Variants in CIROZ observed in about 807,000 individuals in gnomAD.
CIROZ encodes the protein ciliated left-right organizer protein containing ZP-N domains.
chr1:10,947,099 C>A, the CIROZ span, among the ~76,000 whole-genome samples: 2 of 152,226 alleles, frequency 1.3e-5, no homozygotes, highest in Non-Finnish European at 2.9e-5. Flanking sequence ...ACAGCCCCAT[C>A]GGGAGGAATG....
the CIROZ span, chr1:10,948,138 G>A: frequency 6.2e-7 from 1 of 1,613,628 alleles, no homozygotes; most frequent in Non-Finnish European, 8.5e-7. Flanking sequence ...GGTGGAGAAT[G>A]TGGCATCCCT....
the CIROZ span, chr1:10,970,217 G>T: frequency 1.1e-6 from 1 of 892,602 alleles, no homozygotes; most frequent in Non-Finnish European, 1.7e-6. Flanking sequence ...CAATGGAATA[G>T]TCAGGAAAGG....
chr1:10,960,422 A>T, the CIROZ span, among the ~76,000 whole-genome samples: 1 of 152,050 alleles, frequency 6.6e-6, no homozygotes, highest in Non-Finnish European at 1.5e-5. The surrounding 1 kb of genome is among the most constrained non-coding windows in gnomAD (Gnocchi z 4.6). Context: ...AGAAAAAAAA[A>T]GAAAGGAAGG....
the CIROZ span, chr1:10,958,652 C>G: frequency 2.5e-6 from 4 of 1,588,912 alleles, no homozygotes; most frequent in Non-Finnish European, 3.5e-6. Context: ...TCCTGAGCAC[C>G]CACCAGTCCT....
the CIROZ span, chr1:10,966,333 A>C: frequency 4.7e-6 from 7 of 1,499,862 alleles, no homozygotes; most frequent in Admixed American, 1.5e-4. Context: ...TTAAAAAAAA[A>C]AAAAGAAAAG....
the CIROZ span, chr1:10,964,246 C>T: frequency 3.1e-6 from 5 of 1,613,576 alleles, no homozygotes; most frequent in Non-Finnish European, 3.4e-6. Flanking sequence ...CTGAAATATT[C>T]TGATTTCCAG....
chr1:10,971,471 TC>T, the CIROZ span, among the ~76,000 whole-genome samples: 11 of 152,178 alleles, frequency 7.2e-5, no homozygotes, highest in South Asian at 2.1e-3. Flanking sequence ...GCTGGTCTTT[TC>T]TCTACCTCAG....
At chr1:10,976,284 G>C in the CIROZ span, 9 of 1,400,758 alleles carry the variant, frequency 6.4e-6, no homozygotes, top group Non-Finnish European at 7.8e-6. Flanking sequence ...AGGGGGTGGG[G>C]ACATGCACCG....
chr1:10,947,766 TG>T, the CIROZ span: 1 of 1,597,676 alleles, frequency 6.3e-7, no homozygotes, highest in South Asian at 1.1e-5. Context: ...CAGCTCCTGC[TG>T]GAGTGAGGCC....
At chr1:10,964,448 G>GTCTGGC in the CIROZ span, among the ~76,000 whole-genome samples, 8 of 152,196 alleles carry the variant, frequency 5.3e-5, no homozygotes, top group Non-Finnish European at 1.2e-4. Flanking sequence ...CGGAGCTTGG[G>GTCTGGC]TCTGGCTCTG....
chr1:10,966,592 T>C, the CIROZ span: 12 of 1,236,016 alleles, frequency 9.7e-6, no homozygotes, highest in African/African-American at 3.0e-5. Context: ...TGGAAGCTTC[T>C]TACCTGGAAG....
chr1:10,960,838 C>G, the CIROZ span, among the ~76,000 whole-genome samples: 1 of 152,182 alleles, frequency 6.6e-6, no homozygotes, highest in African/African-American at 2.4e-5. This position sits in a 1 kb window ranked among gnomAD's most constrained non-coding sequence, Gnocchi z 4.6. Context: ...CAAGGTGCAG[C>G]CACGGAAGTG....
the CIROZ span, among the ~76,000 whole-genome samples, chr1:10,963,783 A>G: frequency 6.6e-6 from 1 of 152,044 alleles, no homozygotes; most frequent in Non-Finnish European, 1.5e-5. Context: ...AATTTTTTCA[A>G]TCCAGAGAGA....
chr1:10,956,976 G>A, the CIROZ span: 1 of 1,484,160 alleles, frequency 6.7e-7, no homozygotes, highest in South Asian at 1.2e-5. Flanking sequence ...AGACCAGAAT[G>A]TGATGAAGTT....
the CIROZ span, chr1:10,969,830 T>C: frequency 7.8e-7 from 1 of 1,286,834 alleles, no homozygotes; most frequent in Non-Finnish European, 1.0e-6. Context: ...GGAAGGGCTG[T>C]GGGGGGAGGT....
chr1:10,948,491 C>T, the CIROZ span: 1 of 1,614,136 alleles, frequency 6.2e-7, no homozygotes, highest in Admixed American at 1.7e-5. Flanking sequence ...CCTGTTCAGG[C>T]CTCACAGTTC....
chr1:10,965,926 G>T, the CIROZ span, among the ~76,000 whole-genome samples: 1 of 152,158 alleles, frequency 6.6e-6, no homozygotes, highest in Non-Finnish European at 1.5e-5. Context: ...AGTGAGGGCT[G>T]TCAGTCAGTC....
chr1:10,948,647 C>A, the CIROZ span: 1 of 1,613,540 alleles, frequency 6.2e-7, no homozygotes, highest in Non-Finnish European at 8.5e-7. Flanking sequence ...CTGGACGTGG[C>A]CGCCAGGGAC....
chr1:10,979,871 A>T, the CIROZ span, among the ~76,000 whole-genome samples: 1 of 152,170 alleles, frequency 6.6e-6, no homozygotes, highest in African/African-American at 2.4e-5. Flanking sequence ...AACATGGTGA[A>T]ACCCTATCTC....
Sources: allele counts gnomAD v4.1 joint callset (sites outside exome capture counted in the v4.1 genomes callset), GRCh38; gene constraint gnomAD v4.1.1; non-coding constraint Gnocchi (gnomAD v3.1); transcripts MANE v1.5; gene names NCBI Gene and HGNC (gene_info 2026-07-23, HGNC 2026-07-21).